The following GLIS3 variants were observed in gnomAD, a reference collection of about 807,000 sequenced individuals.
The protein encoded by GLIS3 is zinc finger protein GLIS3.
A neutral mutation model predicts 78.6 loss-of-function variants in GLIS3; 53 were observed. That is an observed-to-expected ratio of 0.67 (90% CI 0.54 to 0.85). The LOEUF (loss-of-function observed/expected upper bound fraction) is 0.85, where lower values mean the gene tolerates loss of function less well. GLIS3 is among the 40% of genes least tolerant of loss of function. GLIS3 has a pLI of 0.00. For missense variants in GLIS3, 1,703 were observed against 1,231.1 expected (o/e 1.38, Z -5.74); for synonymous variants, 684 against 509.9 (o/e 1.34, Z -4.60).
At chr9:4,295,032 T>C (rs964746070) in intron 1 of GLIS3, among the ~76,000 whole-genome samples, 1 of 152,208 alleles carries the variant, frequency 6.6e-6, no homozygotes, top group Non-Finnish European at 1.5e-5. Context: ...TCTTTTCCTT[T>C]CTCTACTAGG....
At chr9:4,173,033 G>C (rs1816506489) in intron 2 of GLIS3, among the ~76,000 whole-genome samples, 1 of 152,148 alleles carries the variant, frequency 6.6e-6, no homozygotes, top group African/African-American at 2.4e-5. Flanking sequence ...TTAACACTAT[G>C]TGGACTTAAG....
chr9:4,137,062 T>G (rs1023532306), intron 2 of GLIS3, among the ~76,000 whole-genome samples: 1 of 152,160 alleles, frequency 6.6e-6, no homozygotes. Flanking sequence ...GAGGAGCACA[T>G]GAACCAGCTG....
In GLIS3 at chr9:3,977,738, G is replaced by T. The variant is rs1818910146; in HGVS notation, c.1711-40549C>A. On this transcript the variant is annotated intron_variant, in intron 4 of 10. Coordinates refer to ENST00000381971, the MANE Select transcript of GLIS3 (RefSeq NM_001042413.2). This position sits in a 1 kb window ranked among gnomAD's most constrained non-coding sequence, Gnocchi z 4.1. ...TTTTATACAAGTACATATTTCAGAAGTTTGCAAGGCATTCATCTTGACTAC... is the reference window on the plus strand; with the variant it reads ...TTTTATACAAGTACATATTTCAGAATTTTGCAAGGCATTCATCTTGACTAC... 6.6e-6 allele frequency among the ~76,000 whole-genome samples: 1 copy of T among 152,136 alleles called. No homozygotes were observed. Among genetic ancestry groups the T allele is most frequent in the South Asian group, 2.1e-4 (1 of 4,822 alleles).
chr9:4,320,481 T>C (rs1254615174), intron 2 of GLIS3, among the ~76,000 whole-genome samples: 3 of 152,192 alleles, frequency 2.0e-5, no homozygotes, highest in African/African-American at 7.2e-5. Context: ...CTTCACACCT[T>C]TCTCTCTGTC....
intron 4 of GLIS3, among the ~76,000 whole-genome samples, chr9:4,026,391 C>G (rs1823350977): frequency 6.6e-6 from 1 of 152,192 alleles, no homozygotes. Context: ...CATGAAGCAA[C>G]AATGCCTACA....
At chr9:4,098,424 T>C (rs952539995) in intron 4 of GLIS3, among the ~76,000 whole-genome samples, 4 of 152,110 alleles carry the variant, frequency 2.6e-5, no homozygotes, top group Non-Finnish European at 5.9e-5. Flanking sequence ...ATGAGCAAGA[T>C]CGATACACGG....
the GLIS3 span, among the ~76,000 whole-genome samples, chr9:4,441,903 C>A: frequency 6.6e-6 from 1 of 152,124 alleles, no homozygotes; most frequent in Non-Finnish European, 1.5e-5. Context: ...CCCACCGCAC[C>A]TGGCCATCTT....
intron 9 of GLIS3, among the ~76,000 whole-genome samples, chr9:3,841,010 C>G (rs1250317096): frequency 6.6e-6 from 1 of 152,040 alleles, no homozygotes; most frequent in South Asian, 2.1e-4. Context: ...AAGGTTCAAA[C>G]AAGGGGATGG....
chr9:3,920,572 A>C (rs1824815882), intron 6 of GLIS3, among the ~76,000 whole-genome samples: 1 of 150,004 alleles, frequency 6.7e-6, no homozygotes, highest in Admixed American at 6.6e-5. Context: ...AAATTCAGGA[A>C]CTTACTCTTG....
chr9:3,856,089 T>C lies in GLIS3; in HGVS notation c.2393A>G (p.Gln798Arg). Reference sequence around the variant, plus strand: ...CTTCAGGTGTGAACCTGATGGCTGCTGGGTATAGGGAGGCTGTGTTCTTTG... The same window carrying C: ...CTTCAGGTGTGAACCTGATGGCTGCCGGGTATAGGGAGGCTGTGTTCTTTG... ...ILQRTQPPYT[Q>R]QPSGSHLKSY... The change falls in exon 9 of 11, where the codon CAG (glutamine) becomes CGG (arginine). Residue 798 changes from glutamine (Q) to arginine (R), a missense_variant. By Grantham distance (43) the Gln-to-Arg change is conservative. Transcript: ENST00000381971. 1 of 1,614,226 alleles carries C rather than the reference T, an allele frequency of 6.2e-7. No individual in the cohort carries two copies. Among genetic ancestry groups the C allele is most frequent in the Non-Finnish European group, 8.5e-7 (1 of 1,180,028 alleles).
chr9:4,201,983 C>T (rs990118375), intron 2 of GLIS3, among the ~76,000 whole-genome samples: 1 of 151,782 alleles, frequency 6.6e-6, no homozygotes. Context: ...ACTAAAAATA[C>T]AAAAAATTAG....
the GLIS3 span, among the ~76,000 whole-genome samples, chr9:4,354,473 C>G: frequency 2.0e-5 from 3 of 152,132 alleles, no homozygotes; most frequent in African/African-American, 7.2e-5. Context: ...TACACTACAT[C>G]CCAGGATCTC....
intron 2 of GLIS3, among the ~76,000 whole-genome samples, chr9:4,241,009 A>T (rs2129697893): frequency 6.6e-6 from 1 of 152,246 alleles, no homozygotes; most frequent in South Asian, 2.1e-4. Context: ...TTCTATTGAA[A>T]TGAATCTTAA....
chr9:4,130,564 T>A (rs1586756869), intron 2 of GLIS3, among the ~76,000 whole-genome samples: 1 of 152,174 alleles, frequency 6.6e-6, no homozygotes, highest in South Asian at 2.1e-4. Context: ...CTTCAGAGGG[T>A]GCAAACCATA....
chr9:4,308,895 T>G (rs572133136), exon 4 of GLIS3: 4 of 152,358 alleles, frequency 2.6e-5, no homozygotes, highest in African/African-American at 9.6e-5. Context: ...TGCTGGGATT[T>G]AGTCCTGGCT....
At chr9:4,362,230 C>T in the GLIS3 span, among the ~76,000 whole-genome samples, 1 of 152,154 alleles carries the variant, frequency 6.6e-6, no homozygotes, top group Non-Finnish European at 1.5e-5. Flanking sequence ...TGCATTTTTG[C>T]TATGGATTTT....
At chr9:4,313,958 A>T (rs949284624) in intron 2 of GLIS3, among the ~76,000 whole-genome samples, 1 of 152,258 alleles carries the variant, frequency 6.6e-6, no homozygotes, top group African/African-American at 2.4e-5. Context: ...TGAAGTCCAG[A>T]AAGAGTCACT....
intron 4 of GLIS3, among the ~76,000 whole-genome samples, chr9:3,953,749 T>G (rs1000341748): frequency 7.9e-6 from 1 of 127,346 alleles, no homozygotes; most frequent in African/African-American, 2.9e-5. Context: ...TTGCCAATGA[T>G]AATTAGATTT....
rs1833926142 is a variant in GLIS3 at position 4,143,037 on chromosome 9, C to A, written c.389-17096G>T. Among the ~76,000 whole-genome samples, 3 of 152,078 alleles carry A rather than the reference C, an allele frequency of 2.0e-5. No individual in the cohort carries two copies. In the South Asian group the frequency reaches 6.2e-4, roughly 32 times the overall value. On this transcript the variant is annotated intron_variant, in intron 2 of 10. Coordinates refer to ENST00000381971, the MANE Select transcript of GLIS3 (RefSeq NM_001042413.2). ...CCTACTCTCTGACATACTCACCTTG[C>A]AAAATATCCAGAAAAAAAGAATAAA...
Sources: gnomAD v4.1 joint callset for allele counts (sites outside exome capture counted in the v4.1 genomes callset) on GRCh38, gnomAD v4.1.1 for gene constraint, Gnocchi (gnomAD v3.1) non-coding constraint, MANE v1.5 for transcripts, NCBI Gene and HGNC (gene_info 2026-07-23, HGNC 2026-07-21) for gene names.